Variants in WDPCP observed in about 807,000 individuals in gnomAD.
WDPCP encodes WD repeat-containing and planar cell polarity effector protein fritz homolog.
Under a neutral mutation model 93.1 loss-of-function variants are expected in WDPCP, and 71 were observed. The observed-to-expected ratio is 0.76, with a 90% CI of 0.63 to 0.93. WDPCP has a LOEUF of 0.93. Among genes scored for constraint, WDPCP ranks in the 40% least tolerant of loss-of-function variants. The probability of loss-of-function intolerance (pLI) is 0.00; values close to 1 mark genes in which losing one functional copy is unlikely to be tolerated. For missense variants in WDPCP, 844 were observed against 887.4 expected, an observed-to-expected ratio of 0.95 and a Z score of 0.62; for synonymous variants, 315 against 315.0, an observed-to-expected ratio of 1.00 and a Z score of 0.00.
chr2:63,575,731 CAT>C (rs1275628558), intron 1 of WDPCP, among the ~76,000 whole-genome samples: 1 of 150,766 alleles, frequency 6.6e-6, no homozygotes, highest in Non-Finnish European at 1.5e-5. Context: ...TATAGAGACA[CAT>C]ATAAAGTATA....
intron 2 of WDPCP, among the ~76,000 whole-genome samples, chr2:63,795,308 T>C (rs1243223718): frequency 6.6e-6 from 1 of 152,080 alleles, no homozygotes. Flanking sequence ...AACATTTCAT[T>C]GAACTATCAC....
chr2:63,817,150 C>T (rs1670947564), intron 1 of WDPCP, among the ~76,000 whole-genome samples: 1 of 151,302 alleles, frequency 6.6e-6, no homozygotes, highest in African/African-American at 2.4e-5. Flanking sequence ...CGCTCTGTCA[C>T]CCAGGCTGAA....
intron 12 of WDPCP, among the ~76,000 whole-genome samples, chr2:63,315,809 G>C (rs371845665): frequency 1.1e-4 from 16 of 151,904 alleles, no homozygotes; most frequent in African/African-American, 3.9e-4. Context: ...CCAAGCTGGA[G>C]TACAGCAGCG....
intron 17 of WDPCP, among the ~76,000 whole-genome samples, chr2:63,138,243 G>A (rs1376560726): frequency 6.6e-6 from 1 of 151,934 alleles, no homozygotes; most frequent in Non-Finnish European, 1.5e-5. Context: ...TCCAGAGAGT[G>A]AATTACAGTT....
At chr2:63,325,085 T>C (rs530014660) in intron 12 of WDPCP, among the ~76,000 whole-genome samples, 1 of 152,176 alleles carries the variant, frequency 6.6e-6, no homozygotes, top group African/African-American at 2.4e-5. Context: ...TTATTAAACC[T>C]GGCAACCTCG....
chr2:63,451,949 A>G (rs1362196649), intron 6 of WDPCP, among the ~76,000 whole-genome samples: 1 of 152,204 alleles, frequency 6.6e-6, no homozygotes, highest in Non-Finnish European at 1.5e-5. Context: ...TCTCAAAATA[A>G]TAAGAGCTAT....
chr2:63,588,874 G>A (rs1216447747), upstream of WDPCP: 12 of 803,458 alleles, frequency 1.5e-5, no homozygotes, highest in African/African-American at 3.4e-5. Flanking sequence ...TGGAGATTGC[G>A]CCACAACCAG....
intron 12 of WDPCP, among the ~76,000 whole-genome samples, chr2:63,344,527 C>A (rs1243899144): frequency 6.6e-6 from 1 of 152,170 alleles, no homozygotes; most frequent in Non-Finnish European, 1.5e-5. Context: ...GTACACAATT[C>A]ACTAACATAT....
intron 2 of WDPCP, among the ~76,000 whole-genome samples, chr2:63,797,281 G>T (rs1670629327): frequency 1.3e-5 from 2 of 151,954 alleles, no homozygotes; most frequent in South Asian, 4.2e-4. Context: ...CTACGAGGAG[G>T]ACTCTTTCTG....
At chr2:63,320,245 A>G (rs1398027468) in intron 12 of WDPCP, among the ~76,000 whole-genome samples, 1 of 152,204 alleles carries the variant, frequency 6.6e-6, no homozygotes, top group East Asian at 1.9e-4. Context: ...TCTTTCACAA[A>G]TGAAGGTGTA....
At chr2:63,403,873 C>T in intron 10 of WDPCP, 175 bp downstream of exon 10, 1 of 812,364 alleles carries the variant, frequency 1.2e-6, no homozygotes, top group Non-Finnish European at 1.9e-6. Flanking sequence ...ATCTAGTGTT[C>T]CTTTGGCAGT....
At chr2:63,780,712 C>T (rs540965729) in intron 2 of WDPCP, among the ~76,000 whole-genome samples, 1 of 152,258 alleles carries the variant, frequency 6.6e-6, no homozygotes, top group Non-Finnish European at 1.5e-5. Flanking sequence ...CAGCAGTCTT[C>T]TCAGGAAAAC....
At chr2:63,637,576 CA>C (rs1322728425) in intron 3 of WDPCP, among the ~76,000 whole-genome samples, 1 of 151,682 alleles carries the variant, frequency 6.6e-6, no homozygotes, top group African/African-American at 2.4e-5. Flanking sequence ...AACAGACAAA[CA>C]AAAAAACAAT....
At position 63,739,842 on chromosome 2, in the gene WDPCP, CT is replaced by C. The variant is rs368638414; in HGVS notation, n.308+73779del. ...TTCTCTAATGATCAGTGATATTGAG[CT>C]TTTTTTTCATATGCTTGTTGGCCAC... On this transcript the variant is annotated intron_variant and non_coding_transcript_variant, in intron 2 of 4. Transcript: ENST00000467687. Among the ~76,000 whole-genome samples the C allele has an allele frequency of 1.6e-4, 24 of 151,852 alleles. 1 individual carries two copies. The highest frequency in any genetic ancestry group is 5.5e-4 in the African/African-American group (23 of 41,460).
chr2:63,688,958 T>A (rs72806095), intron 2 of WDPCP, among the ~76,000 whole-genome samples: 3 of 151,900 alleles, frequency 2.0e-5, no homozygotes, highest in South Asian at 2.1e-4. Context: ...TCTCATGAGC[T>A]CTTGCCCTCT....
intron 2 of WDPCP, among the ~76,000 whole-genome samples, chr2:63,810,244 C>T (rs541368494): frequency 9.9e-5 from 15 of 152,206 alleles, no homozygotes; most frequent in Non-Finnish European, 2.1e-4. Flanking sequence ...ACTTCAAATA[C>T]CATCTTTTAT....
chr2:63,334,934 C>T (rs537834825), intron 12 of WDPCP, among the ~76,000 whole-genome samples: 1 of 152,240 alleles, frequency 6.6e-6, no homozygotes, highest in East Asian at 1.9e-4. Flanking sequence ...TTGACTTCTA[C>T]CCTGACAATG....
At position 63,755,255 on chromosome 2, in the gene WDPCP, A is replaced by G. The variant is rs1315974185; in HGVS notation, n.308+58367T>C. 3.9e-5 allele frequency among the ~76,000 whole-genome samples: 6 copies of G among 152,352 alleles called. No individual in the cohort carries two copies. The East Asian group carries it at 9.6e-4, about 24-fold the overall frequency. ...GGGAATTATACAGGGACCATGAGCC[A>G]AGAATCACTGACAGCCATCTCAGAG... On this transcript the variant is annotated intron_variant and non_coding_transcript_variant, in intron 2 of 4. Transcript: ENST00000467687.
At chr2:63,668,214 G>A (rs7587170) in intron 2 of WDPCP, among the ~76,000 whole-genome samples, 2,886 of 152,186 alleles carry the variant, frequency 0.019, 47 homozygotes, top group Non-Finnish European at 0.032. Flanking sequence ...GTCCCTGGCT[G>A]TCCCTGGCCA....
Sources: gnomAD v4.1 joint callset for allele counts (sites outside exome capture counted in the v4.1 genomes callset) on GRCh38, gnomAD v4.1.1 for gene constraint, MANE v1.5 for transcripts, NCBI Gene and HGNC (gene_info 2026-07-23, HGNC 2026-07-21) for gene names.